Variants in MAZ observed in about 807,000 individuals in gnomAD.
MAZ encodes the protein myc-associated zinc finger protein.
In MAZ, 4 loss-of-function variants were observed where a neutral mutation model predicts 32.7. That is an observed-to-expected ratio of 0.12 (90% CI 0.06 to 0.28). MAZ has a LOEUF of 0.28. Ranked by LOEUF, MAZ falls within the 10% of genes least tolerant of loss-of-function variation. The pLI, the probability that MAZ is intolerant of heterozygous loss-of-function variation, is 1.00. For synonymous variants in MAZ, 510 were observed against 297.6 expected (o/e 1.71, Z -7.35); for missense variants, 763 against 667.2 (o/e 1.14, Z -1.58).
chr16:29,807,238 C>G lies in MAZ; in HGVS notation c.453C>G (p.Ala151=). The G allele has an allele frequency of 7.2e-7, 1 of 1,396,372 alleles. No individual in the cohort carries two copies. The highest frequency in any genetic ancestry group is 9.3e-7 in the Non-Finnish European group (1 of 1,070,534). The allele number at this position is 1,396,372 out of a possible 1,614,324, so 86.5% of individuals were successfully genotyped here. A position where few individuals can be genotyped will look rare whatever the true frequency, so the allele number is the denominator to read the frequency against. ...SAPAAEAAPP[A]SAATIAAAAA... ...CCGCGGCCGAGGCCGCGCCCCCCGCCTCCGCCGCCACTATCGCCGCGGCGG... is the reference window on the plus strand; with the variant it reads ...CCGCGGCCGAGGCCGCGCCCCCCGCGTCCGCCGCCACTATCGCCGCGGCGG... Residue 151 remains alanine (A), a synonymous_variant, in exon 2 of 5, where the codon GCC becomes GCG. Transcript: ENST00000322945.
intron 2 of MAZ, 104 bp from the exon 3 acceptor site, chr16:29,808,126 G>T (rs1899651186): frequency 8.8e-7 from 1 of 1,130,934 alleles, no homozygotes; most frequent in African/African-American, 1.5e-5. Context: ...GACGGCCTGG[G>T]CTCCGGGAGG....
rs1169867296 is a variant in MAZ, at chr16:29,810,421, C to T, written c.*190C>T. 4 of 743,178 alleles carry T rather than the reference C, an allele frequency of 5.4e-6. No homozygotes were observed. Among genetic ancestry groups the T allele is most frequent in the South Asian group, 1.5e-5 (1 of 68,420 alleles). 46.0% of individuals were successfully genotyped at this position (743,178 alleles called of 1,614,324 possible). Reference sequence around the variant, plus strand: ...ACGATTTGTTTCTCCTGCTCCTCTTCTGTCAGACCTGACCCCACACAAACC... The same window carrying T: ...ACGATTTGTTTCTCCTGCTCCTCTTTTGTCAGACCTGACCCCACACAAACC... On this transcript the variant is annotated 3_prime_UTR_variant, in exon 5 of 5. Coordinates refer to ENST00000322945, the MANE Select transcript of MAZ (RefSeq NM_002383.4).
intron 1 of MAZ, 33 bp from the exon 2 acceptor site, chr16:29,806,945 A>AC (rs1047748685): frequency 4.5e-5 from 51 of 1,139,472 alleles, no homozygotes; most frequent in Middle Eastern, 3.4e-4. Context: ...GCCCGCCCGC[A>AC]CCCGCGGCCC....
chr16:29,809,635 G>C, intron 4 of MAZ: 1 of 1,606,862 alleles, frequency 6.2e-7, no homozygotes, highest in Non-Finnish European at 8.5e-7. Context: ...GCTGTGCAGC[G>C]TGCACTGCAA....
At position 29,810,298 on chromosome 16, in the gene MAZ, C is replaced by T. The variant is rs748746338; in HGVS notation, c.*67C>T. On this transcript the variant is annotated 3_prime_UTR_variant, in exon 5 of 5. Coordinates refer to ENST00000322945, the MANE Select transcript of MAZ (RefSeq NM_002383.4). ...GTCCCTTGGTACAAGCTCCTCTCCC[C>T]CCTCTTTTCCCACCAACTCCTATTT... 21 of 1,451,644 alleles carry T rather than the reference C, an allele frequency of 1.4e-5. No individual in the cohort carries two copies. Among genetic ancestry groups the T allele is most frequent in the East Asian group, 2.5e-5 (1 of 40,480 alleles). The allele number at this position is 1,451,644 out of a possible 1,614,324, so 89.9% of individuals were successfully genotyped here.
Position 29,810,085 on chromosome 16 carries a change from G to A in MAZ, c.1288G>A (p.Glu430Lys), listed in dbSNP as rs780895243. Reference protein sequence around the residue: ...VCELCNKGTGEVCPMAAAAAA... With the variant: ...VCELCNKGTGKVCPMAAAAAA... ...GTGTTTCTCCTGTGCAGGTACTGGT[G>A]AGGTTTGTCCAATGGCGGCGGCAGC... The change falls in exon 5 of 5, where the codon GAG becomes AAG. Residue 430 changes from glutamate (E) to lysine (K), a missense_variant. By Grantham distance (56) the Glu-to-Lys change is moderately conservative (BLOSUM62 1). Coordinates refer to ENST00000322945, the MANE Select transcript of MAZ (RefSeq NM_002383.4). The A allele has an allele frequency of 1.2e-6, 2 of 1,611,020 alleles. No homozygotes were observed. Among genetic ancestry groups the A allele is most frequent in the East Asian group, 2.2e-5 (1 of 44,798 alleles).
rs1899659732 is a variant in MAZ, at chr16:29,808,216, C to T, written c.1044-14C>T. 1 of 1,613,266 alleles carries T rather than the reference C, an allele frequency of 6.2e-7. No homozygotes were observed. On this transcript the variant is annotated splice_polypyrimidine_tract_variant and intron_variant, in intron 2 of 4. Coordinates refer to ENST00000322945, the MANE Select transcript of MAZ (RefSeq NM_002383.4). Reference sequence around the variant, plus strand: ...ACCACCTCCGCCCTAACCCCAACCCCAACGTGTCCCCAGGCCGGATCACCT... The same window carrying T: ...ACCACCTCCGCCCTAACCCCAACCCTAACGTGTCCCCAGGCCGGATCACCT...
chr16:29,809,727 A>C (rs911513674), intron 4 of MAZ: 64 of 1,461,478 alleles, frequency 4.4e-5, no homozygotes, highest in Non-Finnish European at 5.5e-5. Flanking sequence ...CCCCCCAGCC[A>C]CAGCCCACCT....
rs566224384 is a variant in MAZ, at chr16:29,808,750, C to T, written c.1279+9C>T. 2.3e-5 allele frequency: 37 copies of T among 1,612,350 alleles called. No homozygotes were observed. Among genetic ancestry groups the T allele is most frequent in the African/African-American group, 2.1e-4 (16 of 75,008 alleles). On this transcript the variant is annotated intron_variant, in intron 4 of 4. Coordinates refer to ENST00000322945, the MANE Select transcript of MAZ (RefSeq NM_002383.4). ...TGAGCTCTGCAACAAAGGTACATGC[C>T]GAGGGCTGCCGGGAGGGCCAGGGGC...
At chr16:29,807,898 T>G (rs749210130) in intron 2 of MAZ, 70 bp downstream of exon 2, 23 of 1,561,776 alleles carry the variant, frequency 1.5e-5, no homozygotes, top group Non-Finnish European at 1.0e-5. Context: ...GGCCTGGCCG[T>G]GGCTGGCGGG....
chr16:29,810,604 C>A lies in MAZ; in HGVS notation c.*373C>A. On this transcript the variant is annotated 3_prime_UTR_variant, in exon 5 of 5. Transcript: ENST00000322945. ...CCCTCGACGGTCCTCTTCTCTCCTT[C>A]CAGTCCTCTCCCCCTGCTGTCTGCA... is the stretch of plus-strand genomic sequence containing the variant. 1 of 669,250 alleles carries A rather than the reference C, an allele frequency of 1.5e-6. No homozygotes were observed. Among genetic ancestry groups the A allele is most frequent in the South Asian group, 1.5e-5 (1 of 64,518 alleles). 41.5% of individuals were successfully genotyped at this position (669,250 alleles called of 1,614,324 possible). A position where few individuals can be genotyped will look rare whatever the true frequency, so the allele number is the denominator to read the frequency against.
chr16:29,809,517 C>T, intron 4 of MAZ: 1 of 1,519,126 alleles, frequency 6.6e-7, no homozygotes, highest in African/African-American at 1.4e-5. Context: ...ACCCCCGCCC[C>T]ATCCCAATCC....
In MAZ at chr16:29,810,315, C is replaced by A; in HGVS notation, c.*84C>A. ...CCTCTCCCCCCTCTTTTCCCACCAA[C>A]TCCTATTTCCCTACCAACCAAGGAG... On this transcript the variant is annotated 3_prime_UTR_variant, in exon 5 of 5. Transcript: ENST00000322945. 7.4e-7 allele frequency: 1 copy of A among 1,351,680 alleles called. No homozygotes were observed. The highest frequency in any genetic ancestry group is 1.0e-6 in the Non-Finnish European group (1 of 970,454). The allele number at this position is 1,351,680 out of a possible 1,614,324, so 83.7% of individuals were successfully genotyped here. A position where few individuals can be genotyped will look rare whatever the true frequency, so the allele number is the denominator to read the frequency against.
At chr16:29,808,987 T>C in intron 4 of MAZ, 1 of 562,730 alleles carries the variant, frequency 1.8e-6, no homozygotes, top group Non-Finnish European at 3.1e-6. Context: ...AAAGCGGGAG[T>C]GGAACTTGGC....
intron 2 of MAZ, 32 bp from the exon 3 acceptor site, chr16:29,808,198 C>G (rs1474654084): frequency 5.6e-6 from 9 of 1,595,796 alleles, no homozygotes; most frequent in Non-Finnish European, 7.7e-6. Flanking sequence ...CGCACCACCT[C>G]CGCCCTAACC....
intron 4 of MAZ, chr16:29,809,752 C>T (rs1322795411): frequency 2.1e-6 from 3 of 1,420,754 alleles, no homozygotes; most frequent in Admixed American, 5.6e-5. Context: ...AGGGGGACCC[C>T]CGCACCCACC....
At chr16:29,808,524 C>G (rs879841398) in intron 3 of MAZ, 46 bp from the exon 4 acceptor site, 1 of 1,333,774 alleles carries the variant, frequency 7.5e-7, no homozygotes, top group Non-Finnish European at 1.0e-6. Context: ...GCCCACCAAG[C>G]TTTAACTCTC....
In MAZ at chr16:29,806,756, C is replaced by T. The variant is rs750993466; in HGVS notation, c.55C>T (p.Leu19=). ...GGCCCCCCCCTTCCCCGTGCTGGGC[C>T]TGGACTCCCGGGGGGTGGGCGGCCT... is the stretch of plus-strand genomic sequence containing the variant. The part of the protein sequence containing the change: ...LLAPPFPVLG[L]DSRGVGGLMN... Residue 19 remains leucine, a synonymous_variant, in exon 1 of 5, where the codon CTG becomes TTG. Transcript: ENST00000322945. 12 of 1,431,666 alleles carry T rather than the reference C, an allele frequency of 8.4e-6. No individual in the cohort carries two copies. The highest frequency in any genetic ancestry group is 1.1e-5 in the Non-Finnish European group (12 of 1,082,602). The allele number at this position is 1,431,666 out of a possible 1,614,324, so 88.7% of individuals were successfully genotyped here. A position where few individuals can be genotyped will look rare whatever the true frequency, so the allele number is the denominator to read the frequency against.
intron 4 of MAZ, 146 bp from the exon 5 acceptor site, chr16:29,809,931 G>T: frequency 7.5e-7 from 1 of 1,338,244 alleles, no homozygotes. Context: ...CTGTCTGGGT[G>T]AGGATGCAGG....
Sources: gnomAD v4.1 joint callset for allele counts on GRCh38, gnomAD v4.1.1 for gene constraint, MANE v1.5 for transcripts, NCBI Gene and HGNC (gene_info 2026-07-23, HGNC 2026-07-21) for gene names.